CEP290: variants seen among roughly 807,000 people sequenced by gnomAD.
The protein encoded by CEP290 is centrosomal protein of 290 kDa.
Under a neutral mutation model 344.9 loss-of-function variants are expected in CEP290, and 317 were observed. The ratio of observed to expected loss-of-function variants is 0.92; its 90% confidence interval spans 0.84 to 1.01. CEP290 has a LOEUF of 1.01. Among genes scored for constraint, CEP290 ranks in the 50% least tolerant of loss-of-function variants. The probability of loss-of-function intolerance (pLI) is 0.00; values close to 1 mark genes in which losing one functional copy is unlikely to be tolerated. For missense variants in CEP290, 2,754 were observed against 2,761.4 expected (o/e 1.00, Z 0.06); for synonymous variants, 932 against 895.8 (o/e 1.04, Z -0.72).
intron 34 of CEP290, among the ~76,000 whole-genome samples, chr12:88,085,131 A>G (rs1312453967): frequency 6.6e-6 from 1 of 152,124 alleles, no homozygotes. Flanking sequence ...ATTACAGTTT[A>G]GAATTATACA....
chr12:88,109,291 A>G (rs1282074210), intron 22 of CEP290, 110 bp from the exon 23 acceptor site: 1 of 520,076 alleles, frequency 1.9e-6, no homozygotes, highest in African/African-American at 2.0e-5. Flanking sequence ...GTTAAAAGTC[A>G]CCAAATCTGT....
At chr12:88,117,295 A>G (rs2039113512) in intron 17 of CEP290, 150 bp from the exon 18 acceptor site, 1 of 540,376 alleles carries the variant, frequency 1.9e-6, no homozygotes, top group Non-Finnish European at 3.3e-6. Context: ...TAGCCAATAC[A>G]AGCTTCTCAT....
chr12:88,105,261 T>C (rs2038192739), intron 25 of CEP290, among the ~76,000 whole-genome samples: 1 of 152,166 alleles, frequency 6.6e-6, no homozygotes, highest in South Asian at 2.1e-4. Context: ...TTTAAAGGAC[T>C]CTCTTTGGCT....
At chr12:88,105,454 G>C (rs375347376) in intron 25 of CEP290, among the ~76,000 whole-genome samples, 19 of 152,180 alleles carry the variant, frequency 1.2e-4, no homozygotes, top group African/African-American at 4.6e-4. Context: ...TCTTGCCTTT[G>C]TAGTAGGAGC....
At chr12:88,110,190 T>C (rs1195871111) in intron 22 of CEP290, among the ~76,000 whole-genome samples, 2 of 152,144 alleles carry the variant, frequency 1.3e-5, no homozygotes, top group Non-Finnish European at 1.5e-5. Context: ...TCTGAACATA[T>C]ATTTGTAATT....
Position 88,095,262 on chromosome 12 carries a change from A to C in CEP290, c.3104-1287T>G, listed in dbSNP as rs149877296. Among the ~76,000 whole-genome samples the C allele has an allele frequency of 7.3e-3, 1,115 of 152,238 alleles. 64 individuals are homozygous for C. The highest frequency in any genetic ancestry group is 0.063 in the Admixed American group (958 of 15,280). On this transcript the variant is annotated intron_variant, in intron 27 of 53. Coordinates refer to ENST00000552810, the MANE Select transcript of CEP290 (RefSeq NM_025114.4). ...CCATCTTGTATGTTTTTGGGTTTGGAGTTTTCTTAAAGAGAGGGTAGAGCA... is the reference window on the plus strand; with the variant it reads ...CCATCTTGTATGTTTTTGGGTTTGGCGTTTTCTTAAAGAGAGGGTAGAGCA...
At chr12:88,132,114 CA>C (rs1224814423) in intron 6 of CEP290, among the ~76,000 whole-genome samples, 1 of 152,080 alleles carries the variant, frequency 6.6e-6, no homozygotes, top group Admixed American at 6.6e-5. Context: ...AATAGAATAG[CA>C]AAAAGTAATA....
In CEP290 at chr12:88,121,100, TTC is replaced by T. The variant is rs897997464; in HGVS notation, c.1254_1255del (p.Lys419AsnfsTer2). 9.3e-6 allele frequency: 15 copies of T among 1,613,436 alleles called. No individual in the cohort carries two copies. Among genetic ancestry groups the T allele is most frequent in the Admixed American group, 1.7e-5 (1 of 59,930 alleles). ...AGCTGTTCTCTCAGCCTCTTTAGTT[TTC>T]TCTTTTAAAATGTCTAACGTTGACT... On this transcript the variant is annotated frameshift_variant, in exon 14 of 54. Transcript: ENST00000552810. LOFTEE classifies it high-confidence loss of function.
rs368906813 is a variant in CEP290, at chr12:88,079,185, T to G, written c.5271A>C (p.Ala1757=). 9 of 1,601,688 alleles carry G rather than the reference T, an allele frequency of 5.6e-6. No homozygotes were observed. Among genetic ancestry groups the G allele is most frequent in the African/African-American group, 5.4e-5 (4 of 74,254 alleles). ...CAGAAATAATACGTTCTTCAGCAGC[T>G]GCTGTCATTTCTGCCCGGAGTTCTA... is the stretch of plus-strand genomic sequence containing the variant. ...ALLELRAEMT[A]AAEERIISAT... Residue 1757 remains alanine (A), a synonymous_variant, in exon 39 of 54, where the codon GCA becomes GCC. Transcript: ENST00000552810.
chr12:88,062,725 T>C lies in CEP290; in HGVS notation c.6324A>G (p.Ala2108=), dbSNP rs751804638. 2.5e-6 allele frequency: 4 copies of C among 1,602,736 alleles called. No individual in the cohort carries two copies. Among genetic ancestry groups the C allele is most frequent in the South Asian group, 1.1e-5 (1 of 88,784 alleles). The change falls in exon 46 of 54, where the codon GCA becomes GCG. Residue 2108 remains alanine, a synonymous_variant. Coordinates refer to ENST00000552810, the MANE Select transcript of CEP290 (RefSeq NM_025114.4). ...EMCEFLKKEK[A]EVQRKLGHVR... ...CATGGCCAAGTTTCCGCTGAACTTC[T>C]GCTTTTTCTTTCTTAAGAAATTCAC...
chr12:88,091,628 G>A (rs922156698), intron 29 of CEP290, among the ~76,000 whole-genome samples: 7 of 151,924 alleles, frequency 4.6e-5, no homozygotes. Context: ...ACTATTATAA[G>A]TTAGTTTATA....
At chr12:88,077,133 A>G (rs750749957) in intron 41 of CEP290, 89 bp downstream of exon 41, 39 of 1,225,354 alleles carry the variant, frequency 3.2e-5, no homozygotes, top group Non-Finnish European at 4.2e-5. Context: ...TCATCAAATT[A>G]AGGCAGTATA....
chr12:88,125,424 G>T, intron 12 of CEP290, 55 bp from the exon 13 acceptor site: 1 of 963,154 alleles, frequency 1.0e-6, no homozygotes. Context: ...ACCTAAAAAG[G>T]TAAGGAAAAA....
intron 26 of CEP290, among the ~76,000 whole-genome samples, chr12:88,098,304 C>CA (rs35589245): frequency 0.046 from 4,583 of 98,740 alleles, 135 homozygotes; most frequent in Middle Eastern, 0.11. Flanking sequence ...AACTCCATCT[C>CA]AAAAAAAAAA....
At chr12:88,115,023 T>G in intron 19 of CEP290, 75 bp downstream of exon 19, 3 of 735,496 alleles carry the variant, frequency 4.1e-6, no homozygotes, top group Non-Finnish European at 6.8e-6. Flanking sequence ...GAGAATGTGT[T>G]AACGCCCTTT....
rs566623944 is a variant in CEP290 at position 88,111,183 on chromosome 12, G to C, written c.2367+19C>G. The stretch of plus-strand genomic sequence containing the variant: ...TTCACATGTAAAATTTTCAATACCT[G>C]TAACAAAATTTTCAATACCTGTAAC... On this transcript the variant is annotated intron_variant, in intron 22 of 53. Transcript: ENST00000552810. 2 of 1,325,682 alleles carry C rather than the reference G, an allele frequency of 1.5e-6. No individual in the cohort carries two copies. 82.1% of individuals were successfully genotyped at this position (1,325,682 alleles called of 1,614,324 possible).
chr12:88,064,435 C>T (rs566994272), intron 44 of CEP290, among the ~76,000 whole-genome samples: 3 of 152,178 alleles, frequency 2.0e-5, no homozygotes, highest in African/African-American at 4.8e-5. Context: ...AAATAAAGCA[C>T]GATTGTTATC....
chr12:88,101,231 C>T (rs2037849936), intron 26 of CEP290, among the ~76,000 whole-genome samples: 1 of 152,016 alleles, frequency 6.6e-6, no homozygotes, highest in Non-Finnish European at 1.5e-5. Flanking sequence ...TCTGTAATCC[C>T]AGCACTTTAG....
At chr12:88,096,340 G>A (rs911829558) in intron 27 of CEP290, among the ~76,000 whole-genome samples, 2 of 151,886 alleles carry the variant, frequency 1.3e-5, no homozygotes, top group African/African-American at 2.4e-5. Flanking sequence ...GAGCCACTGC[G>A]CCGGCCATAA....
Sources: gnomAD v4.1 joint callset for allele counts (sites outside exome capture counted in the v4.1 genomes callset) on GRCh38, gnomAD v4.1.1 for gene constraint, MANE v1.5 for transcripts, NCBI Gene and HGNC (gene_info 2026-07-23, HGNC 2026-07-21) for gene names.